The following LONP2 variants were observed in gnomAD, a reference collection of about 807,000 sequenced individuals.
LONP2 encodes lon peptidase 2, peroxisomal, also known as lon protease homolog 2, peroxisomal.
LONP2 carries 60 observed loss-of-function variants against 85.6 expected under a neutral mutation model. The observed-to-expected ratio is 0.70, with a 90% confidence interval of 0.57 to 0.87. The LOEUF (loss-of-function observed/expected upper bound fraction) is 0.87. Ranked by LOEUF, LONP2 falls within the 40% of genes least tolerant of loss-of-function variation. LONP2 has a pLI of 0.00. For synonymous variants in LONP2, 395 were observed against 389.7 expected (o/e 1.01, Z -0.16); for missense variants, 860 against 1,063.5 (o/e 0.81, Z 2.66).
chr16:48,360,301 T>C (rs1960532134), downstream of LONP2, among the ~76,000 whole-genome samples: 3 of 152,222 alleles, frequency 2.0e-5, no homozygotes, highest in South Asian at 6.2e-4. Flanking sequence ...GTCAGCATTT[T>C]AGTCATTCTC....
chr16:48,303,439 C>T, intron 11 of LONP2, 134 bp downstream of exon 11: 1 of 914,598 alleles, frequency 1.1e-6, no homozygotes, highest in Non-Finnish European at 1.7e-6. Flanking sequence ...TAAATGCATC[C>T]AGTAAGTAAT....
intron 10 of LONP2, among the ~76,000 whole-genome samples, chr16:48,302,295 A>G (rs531609257): frequency 8.5e-5 from 13 of 152,314 alleles, no homozygotes; most frequent in African/African-American, 2.6e-4. Flanking sequence ...TTTGACTGAA[A>G]TGAGTATTAG....
At chr16:48,265,845 G>A (rs1971978672) in intron 6 of LONP2, among the ~76,000 whole-genome samples, 1 of 152,044 alleles carries the variant, frequency 6.6e-6, no homozygotes, top group South Asian at 2.1e-4. Flanking sequence ...TCTAGTCTAC[G>A]AACATGTAAT....
chr16:48,273,250 G>A (rs1009071468), intron 7 of LONP2, among the ~76,000 whole-genome samples: 3 of 152,168 alleles, frequency 2.0e-5, no homozygotes, highest in African/African-American at 7.2e-5. Flanking sequence ...TTTCCCATGT[G>A]TGGAACACTT....
intron 5 of LONP2, among the ~76,000 whole-genome samples, 176 bp from the exon 6 acceptor site, chr16:48,262,602 A>G (rs1971901207): frequency 6.6e-6 from 1 of 152,228 alleles, no homozygotes; most frequent in Non-Finnish European, 1.5e-5. Context: ...AGGAGTGGTG[A>G]TCATTACATT....
intron 8 of LONP2, among the ~76,000 whole-genome samples, chr16:48,295,303 C>T (rs1162487407): frequency 3.3e-5 from 5 of 152,216 alleles, no homozygotes; most frequent in East Asian, 3.9e-4. Flanking sequence ...ACCCGGGAGG[C>T]GGAGGTTGCA....
chr16:48,357,672 GTGAA>G, downstream of LONP2, among the ~76,000 whole-genome samples: 1 of 152,180 alleles, frequency 6.6e-6, no homozygotes, highest in Non-Finnish European at 1.5e-5. Flanking sequence ...AATCAGGAGT[GTGAA>G]TGAAATAGAA....
chr16:48,286,176 A>G (rs1567323637), intron 8 of LONP2, among the ~76,000 whole-genome samples: 2 of 139,904 alleles, frequency 1.4e-5, no homozygotes, highest in Admixed American at 1.5e-4. Flanking sequence ...GAGTCTCACC[A>G]TGTTGCCCAG....
chr16:48,356,678 C>T lies in LONP2; in HGVS notation c.*4876C>T, dbSNP rs1160576271. 2.6e-6 allele frequency: 1 copy of T among 388,700 alleles called. No individual in the cohort carries two copies. Among genetic ancestry groups the T allele is most frequent in the South Asian group, 1.9e-5 (1 of 52,322 alleles). The allele number at this position is 388,700 out of a possible 1,614,324, so 24.1% of individuals were successfully genotyped here. A position where few individuals can be genotyped will look rare whatever the true frequency, so the allele number is the denominator to read the frequency against. On this transcript the variant is annotated 3_prime_UTR_variant, in exon 15 of 15. Coordinates refer to ENST00000285737, the MANE Select transcript of LONP2 (RefSeq NM_031490.5). ...AAATGCTGAAAGAGGAAGGAAATAT[C>T]AAAAAGGTCTGAATAGACAACAGGC...
Position 48,351,831 on chromosome 16 carries a change from A to G in LONP2, c.*29A>G. On this transcript the variant is annotated 3_prime_UTR_variant, in exon 15 of 15. Transcript: ENST00000285737. ...CAAATCTCAATTTTTTAGAATTTTA[A>G]GTTATGAAGTGCTCAAAGGTACTGA... 6.4e-7 allele frequency: 1 copy of G among 1,570,296 alleles called. No individual in the cohort carries two copies. Among genetic ancestry groups the G allele is most frequent in the African/African-American group, 1.4e-5 (1 of 73,956 alleles).
At chr16:48,269,954 AAGG>A (rs1817076493) in intron 6 of LONP2, 59 bp from the exon 7 acceptor site, 1 of 1,531,054 alleles carries the variant, frequency 6.5e-7, no homozygotes, top group African/African-American at 1.4e-5. Context: ...TCATGCTTGA[AAGG>A]AGTTCTTTAA....
At chr16:48,299,905 C>T (rs911320484) in intron 10 of LONP2, 117 bp downstream of exon 10, 2 of 1,050,916 alleles carry the variant, frequency 1.9e-6, no homozygotes, top group African/African-American at 3.2e-5. Flanking sequence ...AGATAAGCCA[C>T]AGTCTCCTGA....
intron 11 of LONP2, among the ~76,000 whole-genome samples, chr16:48,333,881 G>A (rs1740398687): frequency 6.6e-6 from 1 of 152,212 alleles, no homozygotes; most frequent in Non-Finnish European, 1.5e-5. Context: ...GTTGAATAGT[G>A]CCGGGAATTG....
intron 11 of LONP2, among the ~76,000 whole-genome samples, chr16:48,316,591 T>C (rs1182458327): frequency 6.6e-6 from 1 of 152,024 alleles, no homozygotes; most frequent in Non-Finnish European, 1.5e-5. Flanking sequence ...CCTCCCAAAG[T>C]GCTGGGATTA....
At position 48,350,223 on chromosome 16, in the gene LONP2, T is replaced by C. The variant is rs1020856735; in HGVS notation, c.2338-1358T>C. On this transcript the variant is annotated intron_variant, in intron 14 of 14. Transcript: ENST00000285737. Reference sequence around the variant, plus strand: ...CAACATGGTGAAACCCTGTCTCTACTAAAAATACAAAAAAATTATCCGGAT... The same window carrying C: ...CAACATGGTGAAACCCTGTCTCTACCAAAAATACAAAAAAATTATCCGGAT... Among the ~76,000 whole-genome samples, 9 of 152,184 alleles carry C rather than the reference T, an allele frequency of 5.9e-5. No homozygotes were observed. The South Asian group carries it at 1.2e-3, about 21-fold the overall frequency.
Position 48,362,501 on chromosome 16 carries a change from C to T in LONP2, c.*638C>T. 1.3e-6 allele frequency: 2 copies of T among 1,486,636 alleles called. No homozygotes were observed. Among genetic ancestry groups the T allele is most frequent in the East Asian group, 2.3e-5 (1 of 43,528 alleles). The allele number at this position is 1,486,636 out of a possible 1,614,324, so 92.1% of individuals were successfully genotyped here. A position where few individuals can be genotyped will look rare whatever the true frequency, so the allele number is the denominator to read the frequency against. On this transcript the variant is annotated 3_prime_UTR_variant, in exon 5 of 5. Transcript: ENST00000565867. The surrounding 1 kb of genome is among the most constrained non-coding windows in gnomAD (Gnocchi z 4.2). ...TGACTTACTTTATAAATAATGTTTA[C>T]ATGCCATAAGTCCTTTTAAAGTTTC...
chr16:48,350,626 T>C (rs1456808224), intron 14 of LONP2, among the ~76,000 whole-genome samples: 2 of 152,202 alleles, frequency 1.3e-5, no homozygotes, highest in African/African-American at 2.4e-5. Flanking sequence ...CCAGTCTTAA[T>C]TGGAGCAGAT....
In LONP2 at chr16:48,354,605, C is replaced by T. The variant is rs1238831465; in HGVS notation, c.*2803C>T. On this transcript the variant is annotated 3_prime_UTR_variant, in exon 15 of 15. Coordinates refer to ENST00000285737, the MANE Select transcript of LONP2 (RefSeq NM_031490.5). ...CCCCAGACCCTGGTAACCACTATTT[C>T]ACTTTCTTTCTGAATTTCCCTTCAT... is the stretch of plus-strand genomic sequence containing the variant. 6.6e-6 allele frequency: 1 copy of T among 151,952 alleles called. No individual in the cohort carries two copies. The highest frequency in any genetic ancestry group is 1.5e-5 in the Non-Finnish European group (1 of 68,146). The allele number at this position is 151,952 out of a possible 1,614,324, so 9.4% of individuals were successfully genotyped here.
At position 48,352,172 on chromosome 16, in the gene LONP2, G is replaced by T. The variant is rs1310426887; in HGVS notation, c.*370G>T. On this transcript the variant is annotated 3_prime_UTR_variant, in exon 15 of 15. Coordinates refer to ENST00000285737, the MANE Select transcript of LONP2 (RefSeq NM_031490.5). ...AATCAAATCCTGGGAGGTGGGGACA[G>T]AAATCTGTGTTTTAAGAAGCCTTCC... 1 of 208,108 alleles carries T rather than the reference G, an allele frequency of 4.8e-6. No individual in the cohort carries two copies. The highest frequency in any genetic ancestry group is 5.2e-5 in the Admixed American group (1 of 19,268). 12.9% of individuals were successfully genotyped at this position (208,108 alleles called of 1,614,324 possible).
Sources: allele counts gnomAD v4.1 joint callset (sites outside exome capture counted in the v4.1 genomes callset), GRCh38; gene constraint gnomAD v4.1.1; non-coding constraint Gnocchi (gnomAD v3.1); transcripts MANE v1.5; gene names NCBI Gene and HGNC (gene_info 2026-07-23, HGNC 2026-07-21).